ARL13A: variants seen among roughly 807,000 people sequenced by gnomAD.
ARL13A encodes ARF like GTPase 13A, also known as ADP-ribosylation factor-like protein 13A.
Under a neutral mutation model 19.1 loss-of-function variants are expected in ARL13A, and 16 were observed. That is an observed-to-expected ratio of 0.84 (90% CI 0.57 to 1.27). The LOEUF is 1.27. Among genes scored for constraint, ARL13A ranks in the 50% most tolerant of loss-of-function variants. ARL13A has a pLI of 0.00. For missense variants in ARL13A, 153 were observed against 186.4 expected, an observed-to-expected ratio of 0.82 and a Z score of 1.04; for synonymous variants, 69 against 71.3, an observed-to-expected ratio of 0.97 and a Z score of 0.17.
intron 1 of ARL13A, among the ~76,000 whole-genome samples, chrX:100,973,464 C>T (rs1213742048): frequency 4.6e-5 from 5 of 108,653 alleles, no homozygotes; most frequent in Non-Finnish European, 5.7e-5. Context: ...GAGACAGCTC[C>T]GCTGCCCGCT....
rs200996965 is a variant in ARL13A at position 100,986,729 on chromosome X, C to T, written c.381-67C>T. On this transcript the variant is annotated intron_variant, in intron 4 of 7. Coordinates refer to ENST00000450049, the MANE Select transcript of ARL13A (RefSeq NM_001162491.2). ...TCTCCTCCTCTTTCCCTTCTTTTCT[C>T]GCCTTTTGCTTCTGTTTTGGTTTCA... The T allele has an allele frequency of 6.7e-5, 47 of 698,110 alleles. 1 individual carries two copies. In the East Asian group the frequency reaches 8.2e-4, roughly 12 times the overall value. The allele number at this position is 698,110 out of a possible 1,213,427, so 57.5% of individuals were successfully genotyped here. A position where few individuals can be genotyped will look rare whatever the true frequency, so the allele number is the denominator to read the frequency against.
At chrX:100,972,339 G>A (rs1233218961) in intron 1 of ARL13A, among the ~76,000 whole-genome samples, 1 of 101,695 alleles carries the variant, frequency 9.8e-6, no homozygotes, top group East Asian at 3.4e-4. Flanking sequence ...CCCGGACGGG[G>A]CGGCTGGCCG....
intron 4 of ARL13A, 94 bp from the exon 5 acceptor site, chrX:100,986,702 G>A: frequency 7.7e-6 from 4 of 518,281 alleles, no homozygotes; most frequent in Non-Finnish European, 1.3e-5. Context: ...AGTAGAATTT[G>A]TTCTCCTCCT....
chrX:100,979,578 A>G (rs1163728596), intron 3 of ARL13A, among the ~76,000 whole-genome samples: 1 of 111,837 alleles, frequency 8.9e-6, no homozygotes, highest in African/African-American at 3.3e-5. Context: ...AAGGTCACTT[A>G]TCTCTGTCAC....
intron 3 of ARL13A, among the ~76,000 whole-genome samples, chrX:100,979,598 T>G (rs983715448): frequency 8.9e-6 from 1 of 111,992 alleles, no homozygotes; most frequent in Non-Finnish European, 1.9e-5. Flanking sequence ...CTCTGTAATA[T>G]GTTACTGGTG....
intron 3 of ARL13A, among the ~76,000 whole-genome samples, chrX:100,977,369 C>CTTTTTTTTTTTTTT (rs59915769): frequency 1.6e-4 from 9 of 56,457 alleles, no homozygotes; most frequent in African/African-American, 6.4e-4. Flanking sequence ...CTACTCTCTT[C>CTTTTTTTTTTTTTT]TTTTTTTTTT....
In ARL13A at chrX:100,974,111, T is replaced by C. The variant is rs758380865; in HGVS notation, c.60-16T>C. Reference sequence around the variant, plus strand: ...TGTTTTAAGACTTTGGGCTCATTTTTCTTTTTCATTTCTAGGAATGTGACC... The same window carrying C: ...TGTTTTAAGACTTTGGGCTCATTTTCCTTTTTCATTTCTAGGAATGTGACC... On this transcript the variant is annotated splice_polypyrimidine_tract_variant and intron_variant, in intron 2 of 7. Transcript: ENST00000450049. 8.5e-7 allele frequency: 1 copy of C among 1,170,023 alleles called. No individual in the cohort carries two copies. Among genetic ancestry groups the C allele is most frequent in the Non-Finnish European group, 1.2e-6 (1 of 869,529 alleles).
chrX:100,972,622 C>A (rs1237951767), intron 1 of ARL13A, among the ~76,000 whole-genome samples: 1 of 39,208 alleles, frequency 2.6e-5, no homozygotes, highest in African/African-American at 1.0e-4. Flanking sequence ...CGGGCAGAGG[C>A]GCCCCTCACC....
chrX:100,985,975 G>T, intron 4 of ARL13A, 59 bp downstream of exon 4: 29 of 1,140,213 alleles, frequency 2.5e-5, no homozygotes, highest in Non-Finnish European at 3.3e-5. Flanking sequence ...TAAAAGTATA[G>T]AAATGAAGGG....
In ARL13A at chrX:100,987,413, C is replaced by T; in HGVS notation, c.510C>T (p.Asn170=). ...CRVEPCSAIR[N]LERRNHQPIV... The stretch of plus-strand genomic sequence containing the variant: ...AGGAGCCATGTTCAGCCATCAGAAA[C>T]CTTGAAAGAAGAAACCATCAGCCCA... Residue 170 remains asparagine (N), a synonymous_variant, in exon 6 of 8, where the codon AAC becomes AAT. Coordinates refer to ENST00000450049, the MANE Select transcript of ARL13A (RefSeq NM_001162491.2). 3.3e-6 allele frequency: 4 copies of T among 1,210,864 alleles called. No homozygotes were observed. Among genetic ancestry groups the T allele is most frequent in the Non-Finnish European group, 4.5e-6 (4 of 895,326 alleles).
chrX:100,974,794 T>C (rs1028924254), intron 3 of ARL13A, among the ~76,000 whole-genome samples: 1 of 111,949 alleles, frequency 8.9e-6, no homozygotes, highest in East Asian at 2.8e-4. Flanking sequence ...ACACTACTTA[T>C]TAAGGACCAA....
At position 100,990,829 on chromosome X, in the gene ARL13A, G is replaced by A. The variant is rs1341640062; in HGVS notation, c.*241G>A. On this transcript the variant is annotated 3_prime_UTR_variant, in exon 8 of 8. Coordinates refer to ENST00000450049, the MANE Select transcript of ARL13A (RefSeq NM_001162491.2). ...AAAATAAATAGAACTTCTTTGCTGAGAATTATGCTCTACTGAATCATTTTC... is the reference window on the plus strand; with the variant it reads ...AAAATAAATAGAACTTCTTTGCTGAAAATTATGCTCTACTGAATCATTTTC... The A allele has an allele frequency of 1.5e-5, 5 of 339,386 alleles. No individual in the cohort carries two copies. Among genetic ancestry groups the A allele is most frequent in the Non-Finnish European group, 2.6e-5 (5 of 192,016 alleles). 28.0% of individuals were successfully genotyped at this position (339,386 alleles called of 1,213,427 possible).
intron 6 of ARL13A, 25 bp from the exon 7 acceptor site, chrX:100,988,168 T>C: frequency 8.6e-7 from 1 of 1,160,618 alleles, no homozygotes; most frequent in South Asian, 1.9e-5. Context: ...TTTCTACTAC[T>C]GCTGTCCTTT....
At chrX:100,978,908 A>AT (rs965614847) in intron 3 of ARL13A, among the ~76,000 whole-genome samples, 36 of 108,849 alleles carry the variant, frequency 3.3e-4, no homozygotes, top group Non-Finnish European at 4.8e-4. Context: ...CTTATAACCC[A>AT]TTTTTTTTTA....
intron 3 of ARL13A, among the ~76,000 whole-genome samples, chrX:100,983,510 C>T (rs1275416950): frequency 9.1e-6 from 1 of 110,151 alleles, no homozygotes; most frequent in Non-Finnish European, 1.9e-5. Flanking sequence ...GTGCCCGCCA[C>T]CACGCCTGGC....
intron 3 of ARL13A, among the ~76,000 whole-genome samples, chrX:100,976,393 G>A (rs1353064769): frequency 2.7e-5 from 3 of 110,619 alleles, no homozygotes; most frequent in African/African-American, 9.9e-5. Context: ...AACTTGCCCT[G>A]TGCTCAGTGA....
rs760736094 is a variant in ARL13A at position 100,987,532 on chromosome X, C to T, written c.629C>T (p.Ser210Phe). The change falls in exon 6 of 8, where the codon TCT becomes TTT. Residue 210 changes from serine to phenylalanine, a missense_variant. Coordinates refer to ENST00000450049, the MANE Select transcript of ARL13A (RefSeq NM_001162491.2). ...SISISKNNTGSGERCSSHSFS... is the reference protein window; with the variant it reads ...SISISKNNTGFGERCSSHSFS... ...TCAATCTCCAAGAATAACACAGGCT[C>T]TGGAGAAAGATGCTCATCACACAGG... 9.1e-6 allele frequency: 11 copies of T among 1,209,380 alleles called. No individual in the cohort carries two copies. The highest frequency in any genetic ancestry group is 1.2e-5 in the Non-Finnish European group (11 of 895,214).
At chrX:100,973,798 A>C in intron 2 of ARL13A, 50 bp downstream of exon 2, 1 of 1,111,258 alleles carries the variant, frequency 9.0e-7, no homozygotes, top group Non-Finnish European at 1.2e-6. Context: ...TCCTCCCACA[A>C]ATCTGCCCAT....
At chrX:100,974,287 A>G in intron 3 of ARL13A, 90 bp downstream of exon 3, 1 of 685,240 alleles carries the variant, frequency 1.5e-6, no homozygotes, top group South Asian at 2.5e-5. Context: ...GCATTACTTC[A>G]TGGCCCTCAA....
Sources: gnomAD v4.1 joint callset for allele counts (sites outside exome capture counted in the v4.1 genomes callset) on GRCh38, gnomAD v4.1.1 for gene constraint, MANE v1.5 for transcripts, NCBI Gene and HGNC (gene_info 2026-07-23, HGNC 2026-07-21) for gene names.